UBE2H: variants seen among roughly 807,000 people sequenced by gnomAD.
The protein encoded by UBE2H is ubiquitin-conjugating enzyme E2 H.
In UBE2H, 3 loss-of-function variants were observed where a neutral mutation model predicts 29.0. That is an observed-to-expected ratio of 0.10 (90% CI 0.05 to 0.27). UBE2H has a LOEUF of 0.27. Ranked by LOEUF, UBE2H falls within the 10% of genes least tolerant of loss-of-function variation. UBE2H has a pLI of 1.00. For synonymous variants in UBE2H, 69 were observed against 82.9 expected (o/e 0.83, Z 0.91); for missense variants, 68 against 228.2 (o/e 0.30, Z 4.52).
At chr7:129,925,208 C>T (rs138766753) in intron 1 of UBE2H, among the ~76,000 whole-genome samples, 9,450 of 151,888 alleles carry the variant, frequency 0.062, 359 homozygotes, top group Non-Finnish European at 0.091. Flanking sequence ...ATTAGCTGGG[C>T]GTAGTGGCGA....
intron 1 of UBE2H, among the ~76,000 whole-genome samples, chr7:129,882,490 A>G (rs909360605): frequency 6.6e-6 from 1 of 152,240 alleles, no homozygotes; most frequent in Admixed American, 6.5e-5. Context: ...TGACTGCAAG[A>G]GGCCAGGTGT....
intron 1 of UBE2H, among the ~76,000 whole-genome samples, chr7:129,924,734 T>C (rs1807230357): frequency 6.6e-6 from 1 of 151,876 alleles, no homozygotes; most frequent in East Asian, 1.9e-4. Flanking sequence ...AACCAACTCC[T>C]TATTTGATAG....
intron 1 of UBE2H, among the ~76,000 whole-genome samples, chr7:129,909,437 T>TA (rs1806885607): frequency 6.6e-6 from 1 of 152,132 alleles, no homozygotes; most frequent in African/African-American, 2.4e-5. Context: ...ATGAAAAACA[T>TA]ACAAGGGGAC....
At chr7:129,845,334 G>C (rs1260275906) in intron 5 of UBE2H, among the ~76,000 whole-genome samples, 2 of 152,158 alleles carry the variant, frequency 1.3e-5, no homozygotes, top group African/African-American at 4.8e-5. Flanking sequence ...ACAGACATCT[G>C]TGTGCAAAAT....
intron 1 of UBE2H, among the ~76,000 whole-genome samples, chr7:129,928,096 G>A (rs1434678777): frequency 6.6e-6 from 1 of 151,648 alleles, no homozygotes; most frequent in Non-Finnish European, 1.5e-5. Context: ...ACTTTGGGAG[G>A]CTGAGGCAGG....
chr7:129,933,435 G>A (rs149427473), intron 1 of UBE2H, among the ~76,000 whole-genome samples: 3 of 152,280 alleles, frequency 2.0e-5, no homozygotes, highest in Admixed American at 2.0e-4. Flanking sequence ...TTTTACAAAT[G>A]AAGTAAAGCA....
chr7:129,909,280 G>C (rs1011613068), intron 1 of UBE2H, among the ~76,000 whole-genome samples: 1 of 152,214 alleles, frequency 6.6e-6, no homozygotes, highest in South Asian at 2.1e-4. Flanking sequence ...ATCACCAGGA[G>C]AGTGACATTC....
At chr7:129,952,407 G>T in intron 1 of UBE2H, 96 bp downstream of exon 1, 1 of 1,489,052 alleles carries the variant, frequency 6.7e-7, no homozygotes, top group Non-Finnish European at 9.1e-7. Flanking sequence ...CAGTGGCCTG[G>T]AGTGCCCCAG....
chr7:129,898,997 A>G (rs1389446724), intron 1 of UBE2H, among the ~76,000 whole-genome samples: 2 of 152,216 alleles, frequency 1.3e-5, no homozygotes, highest in Non-Finnish European at 2.9e-5. Flanking sequence ...ACTGTTCTGT[A>G]AATACCTCTG....
Position 129,926,325 on chromosome 7 carries a change from C to A in UBE2H, c.53+26178G>T, listed in dbSNP as rs370328502. ...AGGAGTTCGAGACCAGCCTGACCAACATGGAGAAACCCCTTCTCTACTAAA... is the reference window on the plus strand; with the variant it reads ...AGGAGTTCGAGACCAGCCTGACCAAAATGGAGAAACCCCTTCTCTACTAAA... On this transcript the variant is annotated intron_variant, in intron 1 of 6. Transcript: ENST00000355621. Among the ~76,000 whole-genome samples, 6 of 151,950 alleles carry A rather than the reference C, an allele frequency of 3.9e-5. No individual in the cohort carries two copies. The East Asian group carries it at 7.9e-4, about 20-fold the overall frequency.
chr7:129,833,393 T>G lies in UBE2H; in HGVS notation c.*1544A>C, dbSNP rs1203767274. 1 of 152,462 alleles carries G rather than the reference T, an allele frequency of 6.6e-6. No homozygotes were observed. The highest frequency in any genetic ancestry group is 1.5e-5 in the Non-Finnish European group (1 of 68,040). 9.4% of individuals were successfully genotyped at this position (152,462 alleles called of 1,614,324 possible). A position where few individuals can be genotyped will look rare whatever the true frequency, so the allele number is the denominator to read the frequency against. On this transcript the variant is annotated 3_prime_UTR_variant, in exon 7 of 7. Coordinates refer to ENST00000355621, the MANE Select transcript of UBE2H (RefSeq NM_003344.4). ...AATCGTCTTTAGAAGGTTTTAGGAT[T>G]GGCTAATTCTGCTATTATCTTATTG...
chr7:129,949,386 C>T (rs1399557442), intron 1 of UBE2H, among the ~76,000 whole-genome samples: 1 of 152,090 alleles, frequency 6.6e-6, no homozygotes. Context: ...CCGCACTATT[C>T]GAGACTATTC....
chr7:129,859,547 G>C (rs1166591061), intron 3 of UBE2H, among the ~76,000 whole-genome samples: 4 of 152,072 alleles, frequency 2.6e-5, no homozygotes, highest in Admixed American at 1.3e-4. Context: ...CAAGCAAGGA[G>C]TTAAAAAAAA....
At chr7:129,868,633 C>T (rs1805964191) in intron 3 of UBE2H, among the ~76,000 whole-genome samples, 1 of 149,046 alleles carries the variant, frequency 6.7e-6, no homozygotes, top group African/African-American at 2.5e-5. Context: ...GACAAGTCCT[C>T]TGATAGTAAC....
intron 1 of UBE2H, among the ~76,000 whole-genome samples, chr7:129,894,202 C>G (rs1230379165): frequency 1.3e-5 from 2 of 151,956 alleles, no homozygotes; most frequent in African/African-American, 4.8e-5. Flanking sequence ...GCCTGTAATT[C>G]CAACATTTTA....
At chr7:129,878,683 A>C (rs1806195064) in intron 3 of UBE2H, among the ~76,000 whole-genome samples, 1 of 12,598 alleles carries the variant, frequency 7.9e-5, no homozygotes, top group Non-Finnish European at 4.3e-4. Context: ...ACTCCGTCTC[A>C]AAAAAAAAAA....
intron 1 of UBE2H, among the ~76,000 whole-genome samples, chr7:129,901,112 A>C (rs1239012377): frequency 6.6e-6 from 1 of 152,226 alleles, no homozygotes; most frequent in Non-Finnish European, 1.5e-5. Flanking sequence ...ACACTAAATT[A>C]ATAAGAAACC....
chr7:129,913,252 C>CAAAA (rs59869623), intron 1 of UBE2H, among the ~76,000 whole-genome samples: 1 of 75,540 alleles, frequency 1.3e-5, no homozygotes, highest in Non-Finnish European at 2.8e-5. Flanking sequence ...AACTCCGTCT[C>CAAAA]AAAAAAAAAA....
chr7:129,922,497 G>C (rs1478921693), intron 1 of UBE2H, among the ~76,000 whole-genome samples: 1 of 152,022 alleles, frequency 6.6e-6, no homozygotes, highest in Admixed American at 6.6e-5. Flanking sequence ...TGCTGGTCTC[G>C]AACTCCTGAC....
Sources: allele counts gnomAD v4.1 joint callset (sites outside exome capture counted in the v4.1 genomes callset), GRCh38; gene constraint gnomAD v4.1.1; transcripts MANE v1.5; gene names NCBI Gene and HGNC (gene_info 2026-07-23, HGNC 2026-07-21).